The following NAV2 variants were observed in gnomAD, a reference collection of about 807,000 sequenced individuals.
NAV2 encodes the protein helicase, APC down-regulated 1.
NAV2 carries 54 observed loss-of-function variants against 223.2 expected under a neutral mutation model. That is an observed-to-expected ratio of 0.24 (90% CI 0.19 to 0.30). The LOEUF (loss-of-function observed/expected upper bound fraction) is 0.30. Ranked by LOEUF, NAV2 falls within the 10% of genes least tolerant of loss-of-function variation. NAV2 has a pLI of 1.00. For missense variants in NAV2, 2,806 were observed against 3,147.5 expected (o/e 0.89, Z 2.60); for synonymous variants, 1,279 against 1,239.3 (o/e 1.03, Z -0.67).
chr11:20,038,554 C>T (rs2056616655), intron 12 of NAV2, among the ~76,000 whole-genome samples: 3 of 152,204 alleles, frequency 2.0e-5, no homozygotes, highest in African/African-American at 7.2e-5. Context: ...ATCCTCCTCC[C>T]TCATATCACG....
chr11:19,765,437 T>C (rs1010367536), intron 1 of NAV2, among the ~76,000 whole-genome samples: 1 of 141,152 alleles, frequency 7.1e-6, no homozygotes, highest in Non-Finnish European at 1.5e-5. Context: ...TCCTCCTCCT[T>C]CTTCTTCCCC....
intron 1 of NAV2, among the ~76,000 whole-genome samples, chr11:19,385,782 GAC>G (rs1375605002): frequency 1.6e-5 from 1 of 61,848 alleles, no homozygotes; most frequent in Non-Finnish European, 2.9e-5. Flanking sequence ...TTTTTTTTGA[GAC>G]AGAGTCTCGC....
chr11:19,692,321 G>A (rs1022299018), intron 1 of NAV2, among the ~76,000 whole-genome samples: 1 of 152,268 alleles, frequency 6.6e-6, no homozygotes, highest in African/African-American at 2.4e-5. Context: ...CGGAAACCCA[G>A]GTCTGAGAAG....
chr11:19,666,497 G>C (rs1426782158), intron 1 of NAV2, among the ~76,000 whole-genome samples: 1 of 152,242 alleles, frequency 6.6e-6, no homozygotes, highest in East Asian at 1.9e-4. Flanking sequence ...TGCGGTGGTG[G>C]CCTCAAGTGT....
At chr11:19,679,040 A>T (rs2048801838) in intron 1 of NAV2, among the ~76,000 whole-genome samples, 1 of 152,266 alleles carries the variant, frequency 6.6e-6, no homozygotes, top group African/African-American at 2.4e-5. Flanking sequence ...CAAAGCGGTC[A>T]GATTAACATG....
intron 1 of NAV2, among the ~76,000 whole-genome samples, chr11:19,661,802 G>A (rs923120242): frequency 5.8e-4 from 89 of 152,258 alleles, no homozygotes; most frequent in African/African-American, 1.9e-3. Flanking sequence ...CAATTCAAAC[G>A]AGAATCTATA....
At chr11:19,434,205 A>G (rs1194930348) in intron 1 of NAV2, among the ~76,000 whole-genome samples, 2 of 152,182 alleles carry the variant, frequency 1.3e-5, no homozygotes, top group African/African-American at 4.8e-5. Flanking sequence ...CAAGAGATGG[A>G]TACTACAAAT....
chr11:19,515,925 AGAATGG>A (rs541629299), intron 1 of NAV2, among the ~76,000 whole-genome samples: 63 of 152,362 alleles, frequency 4.1e-4, no homozygotes, highest in African/African-American at 1.5e-3. Context: ...AGCAACTAGA[AGAATGG>A]GCTTGCCATT....
At chr11:19,669,094 GA>G (rs987412471) in intron 1 of NAV2, among the ~76,000 whole-genome samples, 1 of 152,176 alleles carries the variant, frequency 6.6e-6, no homozygotes, top group African/African-American at 2.4e-5. Flanking sequence ...TGGGCACAAA[GA>G]GACAGTGCAG....
intron 1 of NAV2, among the ~76,000 whole-genome samples, chr11:19,429,620 T>C (rs978770152): frequency 3.3e-5 from 5 of 152,230 alleles, no homozygotes; most frequent in African/African-American, 9.6e-5. Context: ...TGCTCAGTGA[T>C]GGCAAATAGA....
chr11:19,346,462 G>A (rs938563207), upstream of NAV2, among the ~76,000 whole-genome samples: 3 of 152,220 alleles, frequency 2.0e-5, no homozygotes, highest in African/African-American at 7.2e-5. Context: ...GGCGGGGAGG[G>A]GGCGCCCGAG....
At chr11:19,371,461 A>G (rs1053272134) in intron 1 of NAV2, among the ~76,000 whole-genome samples, 5 of 152,172 alleles carry the variant, frequency 3.3e-5, no homozygotes, top group Non-Finnish European at 7.4e-5. Flanking sequence ...ATACTGGAAA[A>G]TATTGTTATG....
chr11:20,047,574 G>C (rs1055335495), intron 14 of NAV2, among the ~76,000 whole-genome samples: 1 of 152,218 alleles, frequency 6.6e-6, no homozygotes, highest in Non-Finnish European at 1.5e-5. Context: ...GTTACCCTTT[G>C]AAGTAACGAG....
At position 19,679,329 on chromosome 11, in the gene NAV2, G is replaced by C. The variant is rs994377283; in HGVS notation, c.76-153155G>C. On this transcript the variant is annotated intron_variant, in intron 1 of 37. Transcript: ENST00000360655. ...GCCTGTAGTCTCAGCTACTCTGGAG[G>C]CTGAGGCAGGAGAATCACTTGAACC... Among the ~76,000 whole-genome samples the C allele has an allele frequency of 2.7e-5, 4 of 149,858 alleles. 1 individual carries two copies. The Admixed American group carries it at 2.8e-4, about 10-fold the overall frequency.
At chr11:19,824,776 C>T (rs1590746150) in intron 1 of NAV2, among the ~76,000 whole-genome samples, 3 of 152,184 alleles carry the variant, frequency 2.0e-5, no homozygotes, top group Non-Finnish European at 4.4e-5. Flanking sequence ...ATACTCCTTG[C>T]TAGATGCTGC....
At chr11:19,739,380 G>A (rs1204529274) in intron 1 of NAV2, among the ~76,000 whole-genome samples, 3 of 152,212 alleles carry the variant, frequency 2.0e-5, no homozygotes, top group Non-Finnish European at 4.4e-5. Context: ...TGAGAAATGA[G>A]TAAAGAGAGG....
chr11:19,700,331 G>T (rs1259851772), intron 1 of NAV2, among the ~76,000 whole-genome samples: 1 of 152,184 alleles, frequency 6.6e-6, no homozygotes, highest in African/African-American at 2.4e-5. Flanking sequence ...TCGGACCCAT[G>T]CAGTCACACG....
intron 1 of NAV2, among the ~76,000 whole-genome samples, chr11:19,763,812 C>A (rs1366722460): frequency 6.7e-6 from 1 of 148,602 alleles, no homozygotes; most frequent in Non-Finnish European, 1.5e-5. Context: ...TTTTTTTTTA[C>A]CTTTTTTGAA....
intron 1 of NAV2, chr11:19,506,914 T>A (rs1029463658): frequency 1.3e-5 from 2 of 152,020 alleles, no homozygotes; most frequent in Non-Finnish European, 2.9e-5. Flanking sequence ...GCCAGCAGAG[T>A]ATTGAATCAA....
Sources: allele counts gnomAD v4.1 joint callset (sites outside exome capture counted in the v4.1 genomes callset), GRCh38; gene constraint gnomAD v4.1.1; transcripts MANE v1.5; gene names NCBI Gene and HGNC (gene_info 2026-07-23, HGNC 2026-07-21).